The following SH3RF1 variants were observed in gnomAD, a reference collection of about 807,000 sequenced individuals.
SH3RF1 encodes SH3 domain containing ring finger 1.
In SH3RF1, 32 loss-of-function variants were observed where a neutral mutation model predicts 74.0. The observed-to-expected ratio is 0.43, with a 90% confidence interval of 0.33 to 0.58. The LOEUF is 0.58. Among genes scored for constraint, SH3RF1 ranks in the 20% least tolerant of loss-of-function variants. The pLI is 0.05. For synonymous variants in SH3RF1, 396 were observed against 439.6 expected (o/e 0.90, Z 1.24); for missense variants, 954 against 1,130.9 (o/e 0.84, Z 2.24).
chr4:169,234,881 G>C (rs1285461036), intron 2 of SH3RF1, among the ~76,000 whole-genome samples: 1 of 152,044 alleles, frequency 6.6e-6, no homozygotes, highest in Non-Finnish European at 1.5e-5. Flanking sequence ...AGGACGCACA[G>C]CATTTCTGGC....
At chr4:169,190,548 A>G (rs1237105028) in intron 2 of SH3RF1, among the ~76,000 whole-genome samples, 1 of 152,026 alleles carries the variant, frequency 6.6e-6, no homozygotes, top group Non-Finnish European at 1.5e-5. Context: ...GAACAGACAA[A>G]TAACAAGCAG....
intron 2 of SH3RF1, among the ~76,000 whole-genome samples, chr4:169,249,159 C>G (rs976302199): frequency 6.6e-6 from 1 of 152,018 alleles, no homozygotes; most frequent in East Asian, 1.9e-4. Context: ...ACCCGGGAGG[C>G]GGAGCTTGCA....
At chr4:169,262,191 C>T (rs1233086353) in intron 2 of SH3RF1, among the ~76,000 whole-genome samples, 2 of 152,034 alleles carry the variant, frequency 1.3e-5, no homozygotes, top group Non-Finnish European at 2.9e-5. Flanking sequence ...ATCTCCAGAG[C>T]ATGAAATTCT....
intron 2 of SH3RF1, among the ~76,000 whole-genome samples, chr4:169,212,855 T>A (rs1277785112): frequency 3.3e-5 from 5 of 152,210 alleles, no homozygotes; most frequent in Non-Finnish European, 7.4e-5. Context: ...CTCAACTTAC[T>A]CATTCTCCCT....
At chr4:169,105,835 G>A (rs1474925304) in intron 11 of SH3RF1, among the ~76,000 whole-genome samples, 1 of 152,134 alleles carries the variant, frequency 6.6e-6, no homozygotes, top group East Asian at 1.9e-4. Context: ...TCAGTGAGCT[G>A]TGATTGCACC....
chr4:169,186,588 CTACAGA>C (rs1237019589), intron 2 of SH3RF1, among the ~76,000 whole-genome samples: 4 of 151,382 alleles, frequency 2.6e-5, no homozygotes, highest in Non-Finnish European at 4.4e-5. Flanking sequence ...AATAAAATTT[CTACAGA>C]TACAAACATT....
intron 9 of SH3RF1, 61 bp downstream of exon 9, chr4:169,117,462 A>T (rs1329077743): frequency 5.7e-6 from 9 of 1,580,164 alleles, no homozygotes; most frequent in Non-Finnish European, 6.1e-6. Flanking sequence ...GTCATAAAAG[A>T]TCTACTATTA....
At chr4:169,269,444 G>A (rs756715838) in intron 1 of SH3RF1, 137 bp from the exon 2 acceptor site, 1 of 465,116 alleles carries the variant, frequency 2.2e-6, no homozygotes, top group Non-Finnish European at 3.7e-6. Flanking sequence ...GCTTTGGAAT[G>A]TGGGTTCCTA....
At chr4:169,192,356 T>G (rs531229649) in intron 2 of SH3RF1, among the ~76,000 whole-genome samples, 1 of 151,614 alleles carries the variant, frequency 6.6e-6, no homozygotes, top group East Asian at 1.9e-4. Flanking sequence ...AAAGAAGATA[T>G]ACAAATGGCC....
chr4:169,231,710 G>A (rs1730742805), intron 2 of SH3RF1, among the ~76,000 whole-genome samples: 1 of 152,078 alleles, frequency 6.6e-6, no homozygotes, highest in Non-Finnish European at 1.5e-5. Flanking sequence ...CACCCACTAT[G>A]CATTACTGCT....
chr4:169,256,456 C>T (rs1180031691), intron 2 of SH3RF1, among the ~76,000 whole-genome samples: 3 of 152,190 alleles, frequency 2.0e-5, no homozygotes, highest in East Asian at 1.9e-4. Context: ...TATGTAGTCA[C>T]TAATTTATGA....
intron 1 of SH3RF1, 30 bp from the exon 2 acceptor site, chr4:169,269,337 G>T: frequency 9.7e-7 from 1 of 1,030,568 alleles, no homozygotes; most frequent in Non-Finnish European, 1.4e-6. Context: ...GGGGAAAAGA[G>T]AACATGAGTG....
intron 2 of SH3RF1, among the ~76,000 whole-genome samples, chr4:169,224,069 T>C (rs1346154372): frequency 2.6e-5 from 4 of 152,256 alleles, no homozygotes; most frequent in Non-Finnish European, 5.9e-5. Context: ...TTTAGCATCA[T>C]GGCCCTTGTG....
At chr4:169,203,000 C>G (rs189910472) in intron 2 of SH3RF1, among the ~76,000 whole-genome samples, 1 of 152,182 alleles carries the variant, frequency 6.6e-6, no homozygotes, top group East Asian at 1.9e-4. Context: ...GGATAGACAG[C>G]TCTTGGAGAA....
In SH3RF1 at chr4:169,167,913, G is replaced by C. The variant is rs542177071; in HGVS notation, c.394-11234C>G. Among the ~76,000 whole-genome samples, 293 of 152,178 alleles carry C rather than the reference G, an allele frequency of 1.9e-3. 1 individual carries two copies. The highest frequency in any genetic ancestry group is 3.2e-3 in the Non-Finnish European group (216 of 67,996). On this transcript the variant is annotated intron_variant, in intron 2 of 11. Transcript: ENST00000284637. The stretch of plus-strand genomic sequence containing the variant: ...TAACACTGGAAGGCCAAGGTGGTAG[G>C]ATATCTTGAGGCTGGGAGTTCAAGA...
chr4:169,263,811 T>C (rs957183736), intron 2 of SH3RF1, among the ~76,000 whole-genome samples: 16 of 152,210 alleles, frequency 1.1e-4, no homozygotes, highest in African/African-American at 3.6e-4. Context: ...TTTTCCCCTC[T>C]CAATATTTCC....
At chr4:169,171,780 T>C (rs1020794476) in intron 2 of SH3RF1, among the ~76,000 whole-genome samples, 3 of 152,132 alleles carry the variant, frequency 2.0e-5, no homozygotes, top group Non-Finnish European at 2.9e-5. Flanking sequence ...AGAAGACTCC[T>C]AGAGAAATGA....
chr4:169,105,508 C>A lies in SH3RF1; in HGVS notation c.2498+1339G>T, dbSNP rs560526131. Among the ~76,000 whole-genome samples, 8 of 152,318 alleles carry A rather than the reference C, an allele frequency of 5.3e-5. No homozygotes were observed. The East Asian group carries it at 1.5e-3, about 29-fold the overall frequency. ...GGAATCACTAAAACAGGGCTTATTACTCTGAGTGTAACTGAATCAAGTCAC... is the reference window on the plus strand; with the variant it reads ...GGAATCACTAAAACAGGGCTTATTAATCTGAGTGTAACTGAATCAAGTCAC... On this transcript the variant is annotated intron_variant, in intron 11 of 11. Transcript: ENST00000284637.
intron 2 of SH3RF1, among the ~76,000 whole-genome samples, chr4:169,172,759 G>C (rs1430093379): frequency 6.6e-6 from 1 of 152,118 alleles, no homozygotes; most frequent in Non-Finnish European, 1.5e-5. Flanking sequence ...GGCTGGGAGA[G>C]AAAGACCCAC....
Sources: gnomAD v4.1 joint callset for allele counts (sites outside exome capture counted in the v4.1 genomes callset) on GRCh38, gnomAD v4.1.1 for gene constraint, MANE v1.5 for transcripts, NCBI Gene and HGNC (gene_info 2026-07-23, HGNC 2026-07-21) for gene names.